Variants in KANTR observed in about 807,000 individuals in gnomAD.
KANTR encodes the protein KDM5C adjacent transcript.
At chrX:53,112,376 G>C (rs1380641934) in intron 2 of KANTR, among the ~76,000 whole-genome samples, 8 of 112,049 alleles carry the variant, frequency 7.1e-5, no homozygotes, top group African/African-American at 2.3e-4. Context: ...CTCGTTAACT[G>C]ATGGGCATTT....
At chrX:53,124,250 T>C (rs1256540704) in exon 3 of KANTR, 5 of 295,377 alleles carry the variant, frequency 1.7e-5, no homozygotes, top group African/African-American at 2.7e-5. Context: ...CTTTTTATTC[T>C]GTGCTGTGTA....
intron 2 of KANTR, among the ~76,000 whole-genome samples, chrX:53,104,901 T>C (rs1760796671): frequency 9.0e-6 from 1 of 110,621 alleles, no homozygotes; most frequent in African/African-American, 3.3e-5. Flanking sequence ...TTTTTTCTTT[T>C]TGAGACAGGG....
At chrX:53,113,795 G>C (rs1933080489) in intron 2 of KANTR, among the ~76,000 whole-genome samples, 1 of 109,323 alleles carries the variant, frequency 9.1e-6, no homozygotes. Flanking sequence ...TGATCAGGCT[G>C]GTCTCGAACT....
intron 2 of KANTR, among the ~76,000 whole-genome samples, chrX:53,106,314 G>A (rs924100759): frequency 1.5e-4 from 16 of 110,144 alleles, no homozygotes; most frequent in South Asian, 3.7e-4. Context: ...ATAAATCATC[G>A]CCTAAATCAG....
chrX:53,102,754 A>G (rs186101987), intron 2 of KANTR, among the ~76,000 whole-genome samples: 236 of 111,607 alleles, frequency 2.1e-3, no homozygotes, highest in Non-Finnish European at 2.0e-3. Context: ...ATATACAGAC[A>G]TACACCCATA....
At chrX:53,143,180 C>A, downstream of KANTR, 3 of 812,438 alleles carry the variant, frequency 3.7e-6, no homozygotes, top group Non-Finnish European at 5.6e-6. Flanking sequence ...ATGGTGATGA[C>A]CTGACCTGGC....
intron 2 of KANTR, among the ~76,000 whole-genome samples, chrX:53,116,917 A>G (rs1398628371): frequency 9.0e-6 from 1 of 111,637 alleles, no homozygotes; most frequent in Non-Finnish European, 1.9e-5. Context: ...AAAACTCTTC[A>G]AAGAGTTTTC....
intron 2 of KANTR, among the ~76,000 whole-genome samples, chrX:53,111,165 G>A (rs1933034188): frequency 9.3e-6 from 1 of 107,434 alleles, no homozygotes; most frequent in Admixed American, 1.0e-4. Flanking sequence ...GGCATGCAAC[G>A]ACCACACCCG....
chrX:53,129,718 T>C (rs1416377371), downstream of KANTR, among the ~76,000 whole-genome samples: 3 of 110,566 alleles, frequency 2.7e-5, no homozygotes, highest in Non-Finnish European at 3.8e-5. Flanking sequence ...ATAAGATCTT[T>C]TTAGTTGGTG....
chrX:53,139,589 C>T (rs1294681115), intron 2 of KANTR, among the ~76,000 whole-genome samples: 1 of 112,041 alleles, frequency 8.9e-6, no homozygotes, highest in African/African-American at 3.2e-5. Context: ...GAGGCTGAAG[C>T]AGGAGGATTG....
At chrX:53,122,511 A>G (rs1357659608) in intron 2 of KANTR, among the ~76,000 whole-genome samples, 3 of 111,187 alleles carry the variant, frequency 2.7e-5, no homozygotes, top group Admixed American at 9.6e-5. Context: ...CTTGTTGTGT[A>G]TTTTAGAGGA....
intron 2 of KANTR, among the ~76,000 whole-genome samples, chrX:53,109,370 C>T (rs1348064398): frequency 2.7e-5 from 3 of 112,256 alleles, no homozygotes; most frequent in Admixed American, 9.4e-5. Context: ...CTGCAACCTC[C>T]GCCTCCCAGT....
intron 1 of KANTR, among the ~76,000 whole-genome samples, chrX:53,099,195 A>G (rs1406484089): frequency 9.0e-6 from 1 of 110,639 alleles, no homozygotes; most frequent in Non-Finnish European, 1.9e-5. Flanking sequence ...GCATGGTGAA[A>G]CCTTGTCTCT....
intron 1 of KANTR, 116 bp from the exon 2 acceptor site, chrX:53,099,356 G>C (rs1034786883): frequency 1.1e-4 from 12 of 110,998 alleles, no homozygotes; most frequent in African/African-American, 3.6e-4. Flanking sequence ...CTGAGCAACA[G>C]AGCGAGACTC....
intron 2 of KANTR, among the ~76,000 whole-genome samples, chrX:53,122,172 C>CT (rs1417971384): frequency 8.9e-6 from 1 of 111,982 alleles, no homozygotes; most frequent in East Asian, 2.8e-4. Flanking sequence ...GTTTTGGCCA[C>CT]TGGGGACTCT....
At chrX:53,147,835 A>G (rs1296040120) in intron 3 of KANTR, among the ~76,000 whole-genome samples, 15 of 111,978 alleles carry the variant, frequency 1.3e-4, no homozygotes, top group Non-Finnish European at 2.6e-4. Context: ...GCTCAACTAC[A>G]TGGAAACTGA....
intron 2 of KANTR, among the ~76,000 whole-genome samples, chrX:53,101,441 A>AAAAAAT (rs1491511145): frequency 2.7e-5 from 3 of 111,712 alleles, no homozygotes; most frequent in Admixed American, 9.6e-5. Flanking sequence ...CCCTGTCTCC[A>AAAAAAT]AAAAAATAAA....
chrX:53,131,440 G>A (rs1933360311), downstream of KANTR, among the ~76,000 whole-genome samples: 1 of 112,033 alleles, frequency 8.9e-6, no homozygotes, highest in African/African-American at 3.2e-5. Context: ...TTTTATCCCA[G>A]GAATGCAGGA....
At chrX:53,115,721 C>CT (rs1319174162) in intron 2 of KANTR, among the ~76,000 whole-genome samples, 1 of 112,829 alleles carries the variant, frequency 8.9e-6, no homozygotes, top group Non-Finnish European at 1.9e-5. Context: ...AAAAGTATCT[C>CT]TTTTCCCACT....
Sources: gnomAD v4.1 joint callset for allele counts (sites outside exome capture counted in the v4.1 genomes callset) on GRCh38, gnomAD v4.1.1 for gene constraint, MANE v1.5 for transcripts, NCBI Gene and HGNC (gene_info 2026-07-23, HGNC 2026-07-21) for gene names.